The following LRBA variants were observed in gnomAD, a reference collection of about 807,000 sequenced individuals.
LRBA encodes LPS responsive beige-like anchor protein.
A neutral mutation model predicts 330.0 loss-of-function variants in LRBA; 176 were observed. That is an observed-to-expected ratio of 0.53 (90% CI 0.47 to 0.60). LRBA has a LOEUF of 0.60. Ranked by LOEUF, LRBA falls within the 20% of genes least tolerant of loss-of-function variation. The pLI is 0.00. For missense variants in LRBA, 3,259 were observed against 3,444.8 expected (o/e 0.95, Z 1.35); for synonymous variants, 1,230 against 1,193.0 (o/e 1.03, Z -0.64).
At chr4:150,350,254 T>C (rs918070553) in intron 47 of LRBA, 95 bp from the exon 48 acceptor site, 13 of 966,108 alleles carry the variant, frequency 1.3e-5, no homozygotes, top group Non-Finnish European at 1.9e-5. Flanking sequence ...ACACTAACTT[T>C]ACTGTGAACA....
intron 40 of LRBA, chr4:150,584,285 A>C (rs1771804864): frequency 1.7e-6 from 1 of 589,778 alleles, no homozygotes; most frequent in East Asian, 3.2e-5. Flanking sequence ...AACCCAACCA[A>C]AACAAATCAC....
intron 35 of LRBA, among the ~76,000 whole-genome samples, chr4:150,750,571 C>T (rs1360304439): frequency 6.6e-6 from 1 of 151,904 alleles, no homozygotes; most frequent in African/African-American, 2.4e-5. Flanking sequence ...CCTCAAATTC[C>T]CAAGTAGCTA....
chr4:150,399,290 G>C (rs1329941858), intron 47 of LRBA, among the ~76,000 whole-genome samples: 1 of 152,074 alleles, frequency 6.6e-6, no homozygotes, highest in Non-Finnish European at 1.5e-5. Flanking sequence ...GACACAAAAT[G>C]CTAAATTCTC....
At chr4:150,573,080 G>C (rs1293436889) in intron 40 of LRBA, among the ~76,000 whole-genome samples, 1 of 152,112 alleles carries the variant, frequency 6.6e-6, no homozygotes, top group Admixed American at 6.5e-5. Flanking sequence ...GACTAGGCTT[G>C]CCTGTAGAAA....
chr4:150,648,158 C>CAAAAAAGAAAAAAAAAAAAAAAAAAAAAA (rs1779347428), intron 37 of LRBA, among the ~76,000 whole-genome samples: 1 of 18,100 alleles, frequency 5.5e-5, no homozygotes, highest in African/African-American at 1.0e-4. Context: ...ACACAAGTAG[C>CAAAAAAGAAAAAAAAAAAAAAAAAAAAAA]AAAAAAAAAA....
intron 47 of LRBA, among the ~76,000 whole-genome samples, chr4:150,409,775 G>A (rs762930930): frequency 6.6e-6 from 1 of 151,948 alleles, no homozygotes; most frequent in Non-Finnish European, 1.5e-5. Context: ...TCTTATTTAG[G>A]TGTCCTCGTT....
chr4:150,849,539 G>C lies in LRBA; in HGVS notation c.4041C>G (p.Ser1347Arg). Residue 1347 changes from serine (S) to arginine (R), a missense_variant, in exon 25 of 57, where the codon AGC (serine) becomes AGG (arginine). By Grantham distance (110) the Ser-to-Arg change is moderately radical (BLOSUM62 -1). Transcript: ENST00000651943. ...STKTVMDFVN[S>R]SDNVIFVHNT... ...TGTGTACAAAGATGACATTATCACT[G>C]CTATTCACGAAGTCCATAACTGTCT... The C allele has an allele frequency of 6.2e-7, 1 of 1,612,696 alleles. No homozygotes were observed. The highest frequency in any genetic ancestry group is 8.5e-7 in the Non-Finnish European group (1 of 1,178,762).
chr4:150,428,964 A>G (rs554710922), intron 46 of LRBA, among the ~76,000 whole-genome samples: 75 of 152,264 alleles, frequency 4.9e-4, no homozygotes, highest in African/African-American at 1.6e-3. Context: ...AATTCAATAC[A>G]TATTTAATTT....
At chr4:150,398,632 TC>T (rs1386758443) in intron 47 of LRBA, among the ~76,000 whole-genome samples, 2 of 141,462 alleles carry the variant, frequency 1.4e-5, no homozygotes, top group Non-Finnish European at 3.3e-5. Context: ...TTTCTTTCTT[TC>T]TTTTTTTTTT....
intron 36 of LRBA, among the ~76,000 whole-genome samples, chr4:150,724,870 A>ATG (rs1402833065): frequency 6.8e-6 from 1 of 147,848 alleles, no homozygotes; most frequent in Non-Finnish European, 1.5e-5. Flanking sequence ...ATTTAAATAT[A>ATG]TGTATATATA....
intron 38 of LRBA, chr4:150,596,943 C>T: frequency 2.2e-6 from 1 of 454,672 alleles, no homozygotes; most frequent in South Asian, 3.4e-5. Context: ...TATGATATAT[C>T]TCTGAAATTG....
chr4:150,421,728 T>G (rs976618130), intron 46 of LRBA, among the ~76,000 whole-genome samples: 2 of 151,980 alleles, frequency 1.3e-5, no homozygotes, highest in African/African-American at 4.8e-5. Context: ...ACAAGCAGCT[T>G]TTCTCTACAG....
chr4:150,835,932 T>C (rs1370030830), intron 28 of LRBA, among the ~76,000 whole-genome samples: 1 of 152,314 alleles, frequency 6.6e-6, no homozygotes, highest in East Asian at 1.9e-4. Flanking sequence ...ATATTGGCTG[T>C]GAGTTTGTCA....
chr4:150,914,350 G>GAAA lies in LRBA; in HGVS notation c.1015-12_1015-10dup. The stretch of plus-strand genomic sequence containing the variant: ...AAACATTTGTCAAAGGTCTGTAAAA[G>GAAA]AAAAAAAAAAAGGAATTAGGAAAAA... On this transcript the variant is annotated splice_polypyrimidine_tract_variant and intron_variant, in intron 8 of 56. Coordinates refer to ENST00000651943, the MANE Select transcript of LRBA (RefSeq NM_001364905.1). The GAAA allele has an allele frequency of 2.0e-6, 2 of 1,020,484 alleles. No individual in the cohort carries two copies. Among genetic ancestry groups the GAAA allele is most frequent in the Non-Finnish European group, 2.6e-6 (2 of 779,496 alleles). The allele number at this position is 1,020,484 out of a possible 1,614,324, so 63.2% of individuals were successfully genotyped here. A position where few individuals can be genotyped will look rare whatever the true frequency, so the allele number is the denominator to read the frequency against.
At chr4:150,482,421 C>T (rs1442384111) in intron 42 of LRBA, among the ~76,000 whole-genome samples, 1 of 152,070 alleles carries the variant, frequency 6.6e-6, no homozygotes, top group Non-Finnish European at 1.5e-5. Context: ...GGATTTATCA[C>T]AGTTTGTCCA....
intron 36 of LRBA, among the ~76,000 whole-genome samples, chr4:150,701,613 A>T (rs1785131303): frequency 6.6e-6 from 1 of 152,192 alleles, no homozygotes; most frequent in Non-Finnish European, 1.5e-5. Flanking sequence ...TATGTGGTGC[A>T]TGACTGTGTA....
chr4:150,359,584 T>C (rs1738379919), intron 47 of LRBA, among the ~76,000 whole-genome samples: 1 of 152,176 alleles, frequency 6.6e-6, no homozygotes, highest in Admixed American at 6.5e-5. Context: ...GTTTTGAACT[T>C]AGTATTAATA....
At chr4:150,977,249 G>A (rs1375269501) in intron 2 of LRBA, among the ~76,000 whole-genome samples, 1 of 152,168 alleles carries the variant, frequency 6.6e-6, no homozygotes, top group Non-Finnish European at 1.5e-5. Flanking sequence ...AAAGTTAAAA[G>A]GACTTTGTCT....
chr4:150,679,807 T>C (rs949862485), intron 37 of LRBA: 2 of 152,290 alleles, frequency 1.3e-5, no homozygotes, highest in South Asian at 2.1e-4. Context: ...TCTAAAATAA[T>C]TTATGTCTCT....
Sources: allele counts gnomAD v4.1 joint callset (sites outside exome capture counted in the v4.1 genomes callset), GRCh38; gene constraint gnomAD v4.1.1; transcripts MANE v1.5; gene names NCBI Gene and HGNC (gene_info 2026-07-23, HGNC 2026-07-21).